The following MISP3 variants were observed in gnomAD, a reference collection of about 807,000 sequenced individuals.
MISP3 encodes uncharacterized protein MISP3.
Under a neutral mutation model 5.5 loss-of-function variants are expected in MISP3, and 9 were observed. The ratio of observed to expected loss-of-function variants is 1.65; its 90% CI spans 0.99 to 2.87. The LOEUF (loss-of-function observed/expected upper bound fraction) is 2.87. Ranked by LOEUF, MISP3 falls within the 30% of genes most tolerant of loss-of-function variation. The pLI, the probability that MISP3 is intolerant of heterozygous loss-of-function variation, is 0.00. For synonymous variants in MISP3, 87 were observed against 38.1 expected (o/e 2.28, Z -4.73); for missense variants, 152 against 84.1 (o/e 1.81, Z -3.16).
At position 14,074,815 on chromosome 19, in the gene MISP3, C is replaced by T. The variant is rs1312333616; in HGVS notation, c.*92C>T. 2.1e-5 allele frequency: 14 copies of T among 677,692 alleles called. No individual in the cohort carries two copies. The highest frequency in any genetic ancestry group is 1.6e-4 in the East Asian group (6 of 36,516). 42.0% of individuals were successfully genotyped at this position (677,692 alleles called of 1,614,324 possible). A position where few individuals can be genotyped will look rare whatever the true frequency, so the allele number is the denominator to read the frequency against. Reference sequence around the variant, plus strand: ...TCTAGCATTAGGCCTGGAGAAGGGTCGGCTCTCTGCATTGGGGAAGATGAA... The same window carrying T: ...TCTAGCATTAGGCCTGGAGAAGGGTTGGCTCTCTGCATTGGGGAAGATGAA... On this transcript the variant is annotated 3_prime_UTR_variant, in exon 3 of 3. Coordinates refer to ENST00000587086, the MANE Select transcript of MISP3 (RefSeq NM_001291291.2). This position sits in a 1 kb window ranked among gnomAD's most constrained non-coding sequence, Gnocchi z 4.4.
At position 14,072,927 on chromosome 19, in the gene MISP3, G is replaced by A. The variant is rs1186257483; in HGVS notation, c.-383G>A. 1.3e-5 allele frequency: 6 copies of A among 458,232 alleles called. No individual in the cohort carries two copies. Among genetic ancestry groups the A allele is most frequent in the Middle Eastern group, 3.5e-4 (1 of 2,844 alleles). The allele number at this position is 458,232 out of a possible 1,614,324, so 28.4% of individuals were successfully genotyped here. Reference sequence around the variant, plus strand: ...CGAAGGCCCCCACCGGCCGGAGAACGAAACCCTGGGGTCGTCTGAAGAGGA... The same window carrying A: ...CGAAGGCCCCCACCGGCCGGAGAACAAAACCCTGGGGTCGTCTGAAGAGGA... On this transcript the variant is annotated 5_prime_UTR_variant, in exon 1 of 3. Coordinates refer to ENST00000587086, the MANE Select transcript of MISP3 (RefSeq NM_001291291.2). This position sits in a 1 kb window ranked among gnomAD's most constrained non-coding sequence, Gnocchi z 6.8.
rs935185267 is a variant in MISP3 at position 14,073,306 on chromosome 19, G to A, written c.-4G>A. On this transcript the variant is annotated 5_prime_UTR_variant, in exon 1 of 3. Transcript: ENST00000587086. This position sits in a 1 kb window ranked among gnomAD's most constrained non-coding sequence, Gnocchi z 8.5. ...CTCCCCAGCGTCCCCCGGAGGAGCG[G>A]TTCATGGAGACGCCCATCGAGCGCG... 7.5e-5 allele frequency: 52 copies of A among 696,622 alleles called. 1 individual carries two copies. The highest frequency in any genetic ancestry group is 7.4e-4 in the African/African-American group (42 of 57,124). The allele number at this position is 696,622 out of a possible 1,614,324, so 43.2% of individuals were successfully genotyped here.
In MISP3 at chr19:14,074,938, G is replaced by C; in HGVS notation, c.*215G>C. The C allele has an allele frequency of 1.7e-6, 1 of 586,858 alleles. No individual in the cohort carries two copies. Among genetic ancestry groups the C allele is most frequent in the Non-Finnish European group, 3.1e-6 (1 of 320,962 alleles). 36.4% of individuals were successfully genotyped at this position (586,858 alleles called of 1,614,324 possible). A position where few individuals can be genotyped will look rare whatever the true frequency, so the allele number is the denominator to read the frequency against. On this transcript the variant is annotated 3_prime_UTR_variant, in exon 3 of 3. Transcript: ENST00000587086. This position sits in a 1 kb window ranked among gnomAD's most constrained non-coding sequence, Gnocchi z 4.4. ...CACCCACAACTCCGCCAGTGAAACT[G>C]CCCAGCCCTTCTCTGCCTAATTGCA...
chr19:14,072,877 T>G lies in MISP3; in HGVS notation c.-433T>G. On this transcript the variant is annotated 5_prime_UTR_variant, in exon 1 of 3. Transcript: ENST00000587086. The surrounding 1 kb of genome is among the most constrained non-coding windows in gnomAD (Gnocchi z 6.8). Reference sequence around the variant, plus strand: ...AAAACCCCGGTTGGGAACTGAGGCTTCCGAACTGCTTCCAACCCTGGACAC... The same window carrying G: ...AAAACCCCGGTTGGGAACTGAGGCTGCCGAACTGCTTCCAACCCTGGACAC... 1 of 419,868 alleles carries G rather than the reference T, an allele frequency of 2.4e-6. No homozygotes were observed. The highest frequency in any genetic ancestry group is 4.7e-6 in the Non-Finnish European group (1 of 212,094). 26.0% of individuals were successfully genotyped at this position (419,868 alleles called of 1,614,324 possible). A position where few individuals can be genotyped will look rare whatever the true frequency, so the allele number is the denominator to read the frequency against.
chr19:14,073,348 C>A lies in MISP3; in HGVS notation c.39C>A (p.Cys13Ter), dbSNP rs912819200. ...TPIEREIRRS[C>*]EREESLRRSR... is the part of the protein sequence containing the mutation. ...TCGAGCGCGAAATCCGCCGCAGCTG[C>A]GAACGCGAGGAGAGCCTGCGCCGGA... Residue 13 changes from cysteine to a stop codon, truncating the protein, a stop_gained, in exon 1 of 3, where the codon TGC (cysteine) becomes TGA (stop). Coordinates refer to ENST00000587086, the MANE Select transcript of MISP3 (RefSeq NM_001291291.2). LOFTEE classifies it high-confidence loss of function. This position sits in a 1 kb window ranked among gnomAD's most constrained non-coding sequence, Gnocchi z 8.5. 7.1e-6 allele frequency: 5 copies of A among 699,774 alleles called. No individual in the cohort carries two copies. The highest frequency in any genetic ancestry group is 1.3e-5 in the Non-Finnish European group (5 of 383,230). The allele number at this position is 699,774 out of a possible 1,614,324, so 43.3% of individuals were successfully genotyped here.
At position 14,073,870 on chromosome 19, in the gene MISP3, C is replaced by T. The variant is rs1288570953; in HGVS notation, c.561C>T (p.Ser187=). 5 of 700,784 alleles carry T rather than the reference C, an allele frequency of 7.1e-6. No homozygotes were observed. The highest frequency in any genetic ancestry group is 2.0e-5 in the Admixed American group (1 of 49,854). The allele number at this position is 700,784 out of a possible 1,614,324, so 43.4% of individuals were successfully genotyped here. ...CGGAGTTCAAGGAGCCTACGCCGAG[C>T]CTCACCGGTAAGCCGCGGGCGTAGC... The part of the protein sequence containing the change: ...GTAEFKEPTP[S]LTASRGDGKL... Residue 187 remains serine (S), a synonymous_variant, in exon 1 of 3, where the codon AGC becomes AGT. Transcript: ENST00000587086. The surrounding 1 kb of genome is among the most constrained non-coding windows in gnomAD (Gnocchi z 8.5).
At position 14,072,860 on chromosome 19, in the gene MISP3, G is replaced by C; in HGVS notation, c.-450G>C. On this transcript the variant is annotated 5_prime_UTR_variant, in exon 1 of 3. Transcript: ENST00000587086. The surrounding 1 kb of genome is among the most constrained non-coding windows in gnomAD (Gnocchi z 6.8). ...TCCTCGCTCTGGGAATCAAAACCCC[G>C]GTTGGGAACTGAGGCTTCCGAACTG... 1 of 389,970 alleles carries C rather than the reference G, an allele frequency of 2.6e-6. No individual in the cohort carries two copies. The highest frequency in any genetic ancestry group is 3.2e-5 in the Admixed American group (1 of 30,926). 24.2% of individuals were successfully genotyped at this position (389,970 alleles called of 1,614,324 possible).
rs1976628406 is a variant in MISP3, at chr19:14,073,637, G to T, written c.328G>T (p.Gly110Cys). Reference sequence around the variant, plus strand: ...CTTCTTCGAGGCCGCGGCGGGGAGCGGCTCCTCGGCGGGGGCGGGGGACGG... The same window carrying T: ...CTTCTTCGAGGCCGCGGCGGGGAGCTGCTCCTCGGCGGGGGCGGGGGACGG... ...KRFFEAAAGS[G>C]SSAGAGDGAG... The change falls in exon 1 of 3, where the codon GGC becomes TGC. Residue 110 changes from glycine to cysteine, a missense_variant. By Grantham distance (159) the Gly-to-Cys change is radical. Coordinates refer to ENST00000587086, the MANE Select transcript of MISP3 (RefSeq NM_001291291.2). This position sits in a 1 kb window ranked among gnomAD's most constrained non-coding sequence, Gnocchi z 8.5. 2.8e-6 allele frequency: 1 copy of T among 360,764 alleles called. No individual in the cohort carries two copies. Among genetic ancestry groups the T allele is most frequent in the African/African-American group, 2.1e-5 (1 of 47,038 alleles). 22.3% of individuals were successfully genotyped at this position (360,764 alleles called of 1,614,324 possible).
chr19:14,074,846 C>T lies in MISP3; in HGVS notation c.*123C>T. 2 of 661,016 alleles carry T rather than the reference C, an allele frequency of 3.0e-6. No homozygotes were observed. Among genetic ancestry groups the T allele is most frequent in the East Asian group, 2.8e-5 (1 of 36,258 alleles). The allele number at this position is 661,016 out of a possible 1,614,324, so 40.9% of individuals were successfully genotyped here. On this transcript the variant is annotated 3_prime_UTR_variant, in exon 3 of 3. Coordinates refer to ENST00000587086, the MANE Select transcript of MISP3 (RefSeq NM_001291291.2). This position sits in a 1 kb window ranked among gnomAD's most constrained non-coding sequence, Gnocchi z 4.4. The stretch of plus-strand genomic sequence containing the variant: ...TCTGCATTGGGGAAGATGAAATCGA[C>T]TTGCCTTTGTGAAATTGACCAGCCC...
Position 14,073,734 on chromosome 19 carries a change from T to C in MISP3, c.425T>C (p.Leu142Pro). Residue 142 changes from leucine (L) to proline (P), a missense_variant, in exon 1 of 3, where the codon CTG becomes CCG. Transcript: ENST00000587086. The surrounding 1 kb of genome is among the most constrained non-coding windows in gnomAD (Gnocchi z 8.5). Reference protein sequence around the residue: ...RSAVQGGCRVLGSAPPPFTPS... With the variant: ...RSAVQGGCRVPGSAPPPFTPS... ...GCCGTGCAGGGCGGGTGCCGGGTGC[T>C]GGGCAGCGCCCCGCCGCCTTTCACT... 1 of 685,342 alleles carries C rather than the reference T, an allele frequency of 1.5e-6. No individual in the cohort carries two copies. Among genetic ancestry groups the C allele is most frequent in the East Asian group, 2.8e-5 (1 of 35,974 alleles). The allele number at this position is 685,342 out of a possible 1,614,324, so 42.5% of individuals were successfully genotyped here. A position where few individuals can be genotyped will look rare whatever the true frequency, so the allele number is the denominator to read the frequency against.
Position 14,073,901 on chromosome 19 carries a change from C to G in MISP3, c.568+24C>G, listed in dbSNP as rs1281808166. 2.3e-5 allele frequency: 16 copies of G among 698,242 alleles called. No homozygotes were observed. In the East Asian group the frequency reaches 3.3e-4, roughly 14 times the overall value. 43.3% of individuals were successfully genotyped at this position (698,242 alleles called of 1,614,324 possible). A position where few individuals can be genotyped will look rare whatever the true frequency, so the allele number is the denominator to read the frequency against. On this transcript the variant is annotated intron_variant, in intron 1 of 2. Coordinates refer to ENST00000587086, the MANE Select transcript of MISP3 (RefSeq NM_001291291.2). The surrounding 1 kb of genome is among the most constrained non-coding windows in gnomAD (Gnocchi z 8.5). Reference sequence around the variant, plus strand: ...CGGTAAGCCGCGGGCGTAGCAACGCCGGGACCCCCAGGGTTCCAGCCGCCC... The same window carrying G: ...CGGTAAGCCGCGGGCGTAGCAACGCGGGGACCCCCAGGGTTCCAGCCGCCC...
rs58659592 is a variant in MISP3 at position 14,073,630 on chromosome 19, G to A, written c.321G>A (p.Ala107=). 10,477 of 353,976 alleles carry A rather than the reference G, an allele frequency of 0.03. 1,018 individuals are homozygous for A. Among genetic ancestry groups the A allele is most frequent in the African/African-American group, 0.21 (9,658 of 46,856 alleles). 21.9% of individuals were successfully genotyped at this position (353,976 alleles called of 1,614,324 possible). ...TCAAGCGCTTCTTCGAGGCCGCGGC[G>A]GGGAGCGGCTCCTCGGCGGGGGCGG... The part of the protein sequence containing the change: ...GELKRFFEAA[A]GSGSSAGAGD... The change falls in exon 1 of 3, where the codon GCG becomes GCA. Residue 107 remains alanine, a synonymous_variant. Transcript: ENST00000587086. This position sits in a 1 kb window ranked among gnomAD's most constrained non-coding sequence, Gnocchi z 8.5.
chr19:14,073,258 G>A lies in MISP3; in HGVS notation c.-52G>A, dbSNP rs759059290. On this transcript the variant is annotated 5_prime_UTR_variant, in exon 1 of 3. Transcript: ENST00000587086. This position sits in a 1 kb window ranked among gnomAD's most constrained non-coding sequence, Gnocchi z 8.5. ...GGTCAGGCTCGGAAGCCCCCCACCT[G>A]CGTTTTCCGCCGTGCCCCGAGGCTC... The A allele has an allele frequency of 1.5e-5, 10 of 686,284 alleles. No individual in the cohort carries two copies. In the South Asian group the frequency reaches 1.5e-4, roughly 10 times the overall value. The allele number at this position is 686,284 out of a possible 1,614,324, so 42.5% of individuals were successfully genotyped here. A position where few individuals can be genotyped will look rare whatever the true frequency, so the allele number is the denominator to read the frequency against.
chr19:14,072,879 C>A lies in MISP3; in HGVS notation c.-431C>A. 4.7e-6 allele frequency: 2 copies of A among 421,218 alleles called. No individual in the cohort carries two copies. Among genetic ancestry groups the A allele is most frequent in the South Asian group, 3.3e-5 (2 of 59,944 alleles). The allele number at this position is 421,218 out of a possible 1,614,324, so 26.1% of individuals were successfully genotyped here. ...AACCCCGGTTGGGAACTGAGGCTTCCGAACTGCTTCCAACCCTGGACACGA... is the reference window on the plus strand; with the variant it reads ...AACCCCGGTTGGGAACTGAGGCTTCAGAACTGCTTCCAACCCTGGACACGA... On this transcript the variant is annotated 5_prime_UTR_variant, in exon 1 of 3. Transcript: ENST00000587086. This position sits in a 1 kb window ranked among gnomAD's most constrained non-coding sequence, Gnocchi z 6.8.
rs558964396 is a variant in MISP3, at chr19:14,073,903, G to GA, written c.568+26_568+27insA. 0.02 allele frequency: 13,623 copies of GA among 698,212 alleles called. 192 individuals are homozygous for GA. The highest frequency in any genetic ancestry group is 0.034 in the Middle Eastern group (147 of 4,342). The allele number at this position is 698,212 out of a possible 1,614,324, so 43.3% of individuals were successfully genotyped here. ...GTAAGCCGCGGGCGTAGCAACGCCG[G>GA]GACCCCCAGGGTTCCAGCCGCCCCC... On this transcript the variant is annotated intron_variant, in intron 1 of 2. Transcript: ENST00000587086. The surrounding 1 kb of genome is among the most constrained non-coding windows in gnomAD (Gnocchi z 8.5).
Position 14,073,304 on chromosome 19 carries a change from C to A in MISP3, c.-6C>A. The A allele has an allele frequency of 2.9e-6, 2 of 695,928 alleles. No individual in the cohort carries two copies. The highest frequency in any genetic ancestry group is 2.6e-6 in the Non-Finnish European group (1 of 380,612). The allele number at this position is 695,928 out of a possible 1,614,324, so 43.1% of individuals were successfully genotyped here. Reference sequence around the variant, plus strand: ...GGCTCCCCAGCGTCCCCCGGAGGAGCGGTTCATGGAGACGCCCATCGAGCG... The same window carrying A: ...GGCTCCCCAGCGTCCCCCGGAGGAGAGGTTCATGGAGACGCCCATCGAGCG... On this transcript the variant is annotated 5_prime_UTR_variant, in exon 1 of 3. Transcript: ENST00000587086. The surrounding 1 kb of genome is among the most constrained non-coding windows in gnomAD (Gnocchi z 8.5).
chr19:14,074,030 C>T lies in MISP3; in HGVS notation c.568+153C>T. Reference sequence around the variant, plus strand: ...CCTCTCAATTTTGTCTCTTGCCTACCCCTTCTGGAGCTCCATTACTCGCTG... The same window carrying T: ...CCTCTCAATTTTGTCTCTTGCCTACTCCTTCTGGAGCTCCATTACTCGCTG... On this transcript the variant is annotated intron_variant, in intron 1 of 2. Coordinates refer to ENST00000587086, the MANE Select transcript of MISP3 (RefSeq NM_001291291.2). The surrounding 1 kb of genome is among the most constrained non-coding windows in gnomAD (Gnocchi z 4.4). 1.7e-6 allele frequency: 1 copy of T among 605,888 alleles called. No homozygotes were observed. Among genetic ancestry groups the T allele is most frequent in the Non-Finnish European group, 2.9e-6 (1 of 340,500 alleles). 37.5% of individuals were successfully genotyped at this position (605,888 alleles called of 1,614,324 possible). A position where few individuals can be genotyped will look rare whatever the true frequency, so the allele number is the denominator to read the frequency against.
In MISP3 at chr19:14,074,976, C is replaced by T. The variant is rs980587735; in HGVS notation, c.*253C>T. On this transcript the variant is annotated 3_prime_UTR_variant, in exon 3 of 3. Transcript: ENST00000587086. The surrounding 1 kb of genome is among the most constrained non-coding windows in gnomAD (Gnocchi z 4.4). ...CTGCCTAATTGCAAACTGAACTACC[C>T]TCTCCCTTGACTGTTAAGAGGGCCG... The T allele has an allele frequency of 5.6e-5, 30 of 532,576 alleles. No individual in the cohort carries two copies. The highest frequency in any genetic ancestry group is 3.5e-4 in the Middle Eastern group (1 of 2,878). 33.0% of individuals were successfully genotyped at this position (532,576 alleles called of 1,614,324 possible).
chr19:14,074,481 C>T lies in MISP3; in HGVS notation c.642+18C>T. 1.4e-6 allele frequency: 1 copy of T among 701,864 alleles called. No homozygotes were observed. The highest frequency in any genetic ancestry group is 2.0e-5 in the Admixed American group (1 of 49,832). 43.5% of individuals were successfully genotyped at this position (701,864 alleles called of 1,614,324 possible). Reference sequence around the variant, plus strand: ...TGGAGCAGGTGGGAGCCCCCTTACCCGTGTGCCTCTAGCGCTTGTCGGTCC... The same window carrying T: ...TGGAGCAGGTGGGAGCCCCCTTACCTGTGTGCCTCTAGCGCTTGTCGGTCC... On this transcript the variant is annotated intron_variant, in intron 2 of 2. Transcript: ENST00000587086. This position sits in a 1 kb window ranked among gnomAD's most constrained non-coding sequence, Gnocchi z 4.4.
Sources: allele counts gnomAD v4.1 joint callset, GRCh38; gene constraint gnomAD v4.1.1; non-coding constraint Gnocchi (gnomAD v3.1); transcripts MANE v1.5; gene names NCBI Gene and HGNC (gene_info 2026-07-23, HGNC 2026-07-21).